Variants in SEPTIN10 observed in about 807,000 individuals in gnomAD.
SEPTIN10 encodes septin 10.
Under a neutral mutation model 54.8 loss-of-function variants are expected in SEPTIN10, and 66 were observed. The ratio of observed to expected loss-of-function variants is 1.21; its 90% CI spans 0.99 to 1.48. SEPTIN10 has a LOEUF of 1.48. Among genes scored for constraint, SEPTIN10 ranks in the 40% most tolerant of loss-of-function variants. The probability of loss-of-function intolerance (pLI) is 0.00; values close to 1 mark genes in which losing one functional copy is unlikely to be tolerated. For synonymous variants in SEPTIN10, 161 were observed against 181.0 expected, an observed-to-expected ratio of 0.89 and a Z score of 0.89; for missense variants, 620 against 545.6, an observed-to-expected ratio of 1.14 and a Z score of -1.36.
chr2:109,602,914 A>C (rs1174195459), intron 1 of SEPTIN10, among the ~76,000 whole-genome samples: 2 of 151,160 alleles, frequency 1.3e-5, no homozygotes, highest in Non-Finnish European at 3.0e-5. Flanking sequence ...AAAAAAAAAA[A>C]AAAAAAATTA....
chr2:109,545,720 G>C, intron 10 of SEPTIN10: 1 of 1,444,466 alleles, frequency 6.9e-7, no homozygotes, highest in Non-Finnish European at 9.0e-7. Flanking sequence ...GCCATTAGCT[G>C]TGTACTAGGG....
In SEPTIN10 at chr2:109,553,230, AT is replaced by A. The variant is rs1683467018; in HGVS notation, c.1029-12del. On this transcript the variant is annotated splice_polypyrimidine_tract_variant and intron_variant, in intron 8 of 10. Coordinates refer to ENST00000397712, the MANE Select transcript of SEPTIN10 (RefSeq NM_144710.5). ...TAGGTCTCTTGAACACTAAAAAGTT[AT>A]TTGTGTTACTCTCCTGCTAAAAAGT... 1 of 1,613,042 alleles carries A rather than the reference AT, an allele frequency of 6.2e-7. No individual in the cohort carries two copies. Among genetic ancestry groups the A allele is most frequent in the South Asian group, 1.1e-5 (1 of 90,824 alleles).
At chr2:109,545,988 T>G in intron 10 of SEPTIN10, 62 bp downstream of exon 10, 1 of 1,510,604 alleles carries the variant, frequency 6.6e-7, no homozygotes, top group Admixed American at 2.3e-5. Context: ...GCTAGGAAGA[T>G]CCGACAGGGC....
Position 109,543,918 on chromosome 2 carries a change from A to G in SEPTIN10, c.*391T>C. 2.1e-6 allele frequency: 1 copy of G among 477,278 alleles called. No homozygotes were observed. The highest frequency in any genetic ancestry group is 3.7e-6 in the Non-Finnish European group (1 of 271,434). The allele number at this position is 477,278 out of a possible 1,614,324, so 29.6% of individuals were successfully genotyped here. The stretch of plus-strand genomic sequence containing the variant: ...TCTAATTACATAATTCATGTTTCAC[A>G]TCCACCTTATACATATAGCCTGAAA... On this transcript the variant is annotated 3_prime_UTR_variant, in exon 11 of 11. Transcript: ENST00000397712.
intron 7 of SEPTIN10, among the ~76,000 whole-genome samples, chr2:109,564,935 A>G (rs1175534972): frequency 6.6e-6 from 1 of 152,252 alleles, no homozygotes; most frequent in Non-Finnish European, 1.5e-5. Flanking sequence ...ACTTCAAAGT[A>G]GTAAATTCTG....
At chr2:109,550,923 T>TG (rs1465121286) in intron 9 of SEPTIN10, among the ~76,000 whole-genome samples, 2 of 152,176 alleles carry the variant, frequency 1.3e-5, no homozygotes, top group Non-Finnish European at 2.9e-5. Flanking sequence ...AAATGTTAAA[T>TG]GAAAAAATTA....
intron 2 of SEPTIN10, among the ~76,000 whole-genome samples, chr2:109,591,945 TG>T (rs1694164212): frequency 6.6e-6 from 1 of 152,188 alleles, no homozygotes; most frequent in African/African-American, 2.4e-5. Flanking sequence ...TACCTATGTT[TG>T]TATTTGTAAT....
intron 1 of SEPTIN10, among the ~76,000 whole-genome samples, chr2:109,598,895 T>A (rs1280427805): frequency 6.7e-6 from 1 of 149,652 alleles, no homozygotes; most frequent in East Asian, 2.0e-4. Flanking sequence ...AAAATAAAAA[T>A]AAAAAAAAAA....
rs1277421601 is a variant in SEPTIN10, at chr2:109,553,130, C to T, written c.1118G>A (p.Arg373Gln). Reference sequence around the variant, plus strand: ...CAATATGGCTTCTTTCTCCTTTACTCGCTGCACAAACATCTGTTTCATTTC... The same window carrying T: ...CAATATGGCTTCTTTCTCCTTTACTTGCTGCACAAACATCTGTTTCATTTC... Reference protein sequence around the residue: ...EEEMKQMFVQRVKEKEAILKE... With the variant: ...EEEMKQMFVQQVKEKEAILKE... Residue 373 changes from arginine to glutamine, a missense_variant, in exon 9 of 11, where the codon CGA becomes CAA. Coordinates refer to ENST00000397712, the MANE Select transcript of SEPTIN10 (RefSeq NM_144710.5). 1.2e-5 allele frequency: 19 copies of T among 1,613,800 alleles called. No homozygotes were observed. Among genetic ancestry groups the T allele is most frequent in the South Asian group, 2.2e-5 (2 of 91,062 alleles).
chr2:109,564,604 G>A, intron 7 of SEPTIN10, 70 bp from the exon 8 acceptor site: 2 of 1,283,142 alleles, frequency 1.6e-6, no homozygotes, highest in Middle Eastern at 2.0e-4. Flanking sequence ...AGTGTTTGCT[G>A]AATGAACAAA....
At chr2:109,561,528 A>G (rs1685652400) in intron 8 of SEPTIN10, among the ~76,000 whole-genome samples, 1 of 152,222 alleles carries the variant, frequency 6.6e-6, no homozygotes, top group South Asian at 2.1e-4. Flanking sequence ...GATTTTACCC[A>G]GTATTATTCA....
At chr2:109,557,695 AAAG>A (rs1275813706) in intron 8 of SEPTIN10, among the ~76,000 whole-genome samples, 1 of 152,230 alleles carries the variant, frequency 6.6e-6, no homozygotes, top group Non-Finnish European at 1.5e-5. Context: ...GGTGGTAAAG[AAAG>A]TCAGATCTGA....
intron 2 of SEPTIN10, among the ~76,000 whole-genome samples, chr2:109,592,799 AAAAAG>A (rs1694377465): frequency 6.6e-6 from 1 of 152,062 alleles, no homozygotes; most frequent in Non-Finnish European, 1.5e-5. Context: ...AAGGAAACGA[AAAAAG>A]AAACAGAAAA....
intron 1 of SEPTIN10, among the ~76,000 whole-genome samples, chr2:109,596,484 G>A (rs919704122): frequency 1.3e-5 from 2 of 152,014 alleles, no homozygotes; most frequent in African/African-American, 4.8e-5. Flanking sequence ...GAGCGTGCTG[G>A]CAGGCACCTG....
chr2:109,567,879 C>G lies in SEPTIN10; in HGVS notation c.698G>C (p.Gly233Ala). The change falls in exon 6 of 11, where the codon GGC (glycine) becomes GCC (alanine). Residue 233 changes from glycine to alanine, a missense_variant. Transcript: ENST00000397712. Reference sequence around the variant, plus strand: ...CGTTGGGAACTGGTATATCTGGACGCCATTGCTGACCAATTCACTCATGAG... The same window carrying G: ...CGTTGGGAACTGGTATATCTGGACGGCATTGCTGACCAATTCACTCATGAG... ...IKLMSELVSN[G>A]VQIYQFPTDD... 6.2e-7 allele frequency: 1 copy of G among 1,613,996 alleles called. No individual in the cohort carries two copies. Among genetic ancestry groups the G allele is most frequent in the Non-Finnish European group, 8.5e-7 (1 of 1,179,944 alleles).
At chr2:109,564,997 A>G (rs1253951438) in intron 7 of SEPTIN10, among the ~76,000 whole-genome samples, 1 of 152,236 alleles carries the variant, frequency 6.6e-6, no homozygotes, top group African/African-American at 2.4e-5. Flanking sequence ...TTCTTTTTAT[A>G]GAACACATTT....
Position 109,545,137 on chromosome 2 carries a change from T to A in SEPTIN10, c.1350-813A>T, listed in dbSNP as rs113334353. ...GCATTAAACCAGATGTGTTGCTCTGTGGGGAACATGGGAGCATGCAACGCT... is the reference window on the plus strand; with the variant it reads ...GCATTAAACCAGATGTGTTGCTCTGAGGGGAACATGGGAGCATGCAACGCT... On this transcript the variant is annotated intron_variant, in intron 10 of 10. Coordinates refer to ENST00000397712, the MANE Select transcript of SEPTIN10 (RefSeq NM_144710.5). The A allele has an allele frequency of 5.0e-3, 4,935 of 985,350 alleles. 178 individuals carry two copies. The African/African-American group carries it at 0.078, about 16-fold the overall frequency. The allele number at this position is 985,350 out of a possible 1,614,324, so 61.0% of individuals were successfully genotyped here.
At chr2:109,550,702 C>T (rs1682715259) in intron 9 of SEPTIN10, among the ~76,000 whole-genome samples, 1 of 152,162 alleles carries the variant, frequency 6.6e-6, no homozygotes, top group Non-Finnish European at 1.5e-5. Flanking sequence ...CTGTGTGGTC[C>T]CTTCTGCCCT....
intron 1 of SEPTIN10, among the ~76,000 whole-genome samples, chr2:109,593,910 T>C (rs946974520): frequency 8.5e-5 from 13 of 152,342 alleles, no homozygotes; most frequent in African/African-American, 1.9e-4. Context: ...ATCACTATGC[T>C]AGCTCATTAA....
Sources: allele counts gnomAD v4.1 joint callset (sites outside exome capture counted in the v4.1 genomes callset), GRCh38; gene constraint gnomAD v4.1.1; transcripts MANE v1.5; gene names NCBI Gene and HGNC (gene_info 2026-07-23, HGNC 2026-07-21).